The following FARS2 variants were observed in gnomAD, a reference collection of about 807,000 sequenced individuals.
FARS2 encodes phenylalanyl-tRNA synthetase 2, mitochondrial.
FARS2 carries 40 observed loss-of-function variants against 46.4 expected under a neutral mutation model. That is an observed-to-expected ratio of 0.86 (90% CI 0.67 to 1.12). The LOEUF (loss-of-function observed/expected upper bound fraction) is 1.12, where lower values mean the gene tolerates loss of function less well. FARS2 is among the 50% of genes most tolerant of loss of function. FARS2 has a pLI of 0.00. For synonymous variants in FARS2, 234 were observed against 214.9 expected (o/e 1.09, Z -0.78); for missense variants, 513 against 567.9 (o/e 0.90, Z 0.98).
At chr6:5,442,773 G>T (rs1763914817) in intron 4 of FARS2, among the ~76,000 whole-genome samples, 1 of 152,102 alleles carries the variant, frequency 6.6e-6, no homozygotes, top group South Asian at 2.1e-4. Context: ...AGCTTGCCTG[G>T]GAGCCCCAGT....
intron 6 of FARS2, among the ~76,000 whole-genome samples, chr6:5,702,733 A>G (rs933665330): frequency 2.6e-5 from 4 of 152,352 alleles, no homozygotes; most frequent in Non-Finnish European, 5.9e-5. Flanking sequence ...TACTCATCCA[A>G]GGATTCTGGT....
chr6:5,426,529 G>A (rs766991479), intron 3 of FARS2, among the ~76,000 whole-genome samples: 16 of 152,120 alleles, frequency 1.1e-4, no homozygotes, highest in Non-Finnish European at 2.2e-4. Flanking sequence ...AAAACAAGAA[G>A]AAAGTGTATT....
chr6:5,668,780 G>A (rs751012649), intron 6 of FARS2, among the ~76,000 whole-genome samples: 1 of 136,550 alleles, frequency 7.3e-6, no homozygotes, highest in East Asian at 2.4e-4. Context: ...TGCAACCTTC[G>A]CCTTCTGTGT....
chr6:5,688,663 T>C (rs1757443054), intron 6 of FARS2, among the ~76,000 whole-genome samples: 1 of 152,184 alleles, frequency 6.6e-6, no homozygotes, highest in South Asian at 2.1e-4. Flanking sequence ...TAAAATTCTC[T>C]TTTTTTGTTG....
At chr6:5,561,512 AG>A (rs1214483215) in intron 5 of FARS2, among the ~76,000 whole-genome samples, 2 of 152,132 alleles carry the variant, frequency 1.3e-5, no homozygotes, top group Non-Finnish European at 2.9e-5. Flanking sequence ...CTTCTGGAAA[AG>A]TCTAATATTA....
intron 5 of FARS2, among the ~76,000 whole-genome samples, chr6:5,589,217 C>A (rs925603735): frequency 7.2e-5 from 11 of 152,146 alleles, no homozygotes; most frequent in Admixed American, 6.5e-4. Flanking sequence ...AACCCCAGTT[C>A]GGCTGCTTCC....
At chr6:5,709,408 G>A (rs1758963268) in intron 6 of FARS2, among the ~76,000 whole-genome samples, 1 of 152,262 alleles carries the variant, frequency 6.6e-6, no homozygotes, top group Admixed American at 6.5e-5. Context: ...ATGGCTTTGT[G>A]GTTCTTACTG....
intron 6 of FARS2, among the ~76,000 whole-genome samples, chr6:5,697,647 A>C (rs1249095842): frequency 6.6e-6 from 1 of 152,262 alleles, no homozygotes; most frequent in African/African-American, 2.4e-5. Flanking sequence ...AACAAAGGCA[A>C]AATCATGAGA....
At chr6:5,693,959 A>G (rs1387850149) in intron 6 of FARS2, among the ~76,000 whole-genome samples, 2 of 152,182 alleles carry the variant, frequency 1.3e-5, no homozygotes, top group East Asian at 1.9e-4. Context: ...ACCGCCCTCT[A>G]CTAGCGGGAG....
intron 2 of FARS2, among the ~76,000 whole-genome samples, chr6:5,380,469 G>T (rs1287496093): frequency 6.6e-6 from 1 of 152,310 alleles, no homozygotes; most frequent in East Asian, 1.9e-4. Context: ...GCTAGGAACT[G>T]CATTTCTCTG....
intron 2 of FARS2, among the ~76,000 whole-genome samples, chr6:5,390,014 G>A (rs570785966): frequency 5.3e-4 from 81 of 152,100 alleles, no homozygotes; most frequent in African/African-American, 1.9e-3. Context: ...ACAGGCACGC[G>A]CCACCACGCC....
chr6:5,368,977 C>A lies in FARS2; in HGVS notation c.407C>A (p.Pro136His), dbSNP rs199863563. The A allele has an allele frequency of 1.8e-4, 292 of 1,614,018 alleles. 1 individual carries two copies. The highest frequency in any genetic ancestry group is 1.2e-4 in the Admixed American group (7 of 59,998). ...FDSLLIPADH[P>H]SRKKGDNYYL... is the part of the protein sequence containing the mutation. Reference sequence around the variant, plus strand: ...AGCCTGCTCATCCCAGCTGATCACCCCAGCAGGAAGAAGGGGGACAACTAT... The same window carrying A: ...AGCCTGCTCATCCCAGCTGATCACCACAGCAGGAAGAAGGGGGACAACTAT... Residue 136 changes from proline (P) to histidine (H), a missense_variant, in exon 2 of 7, where the codon CCC becomes CAC. By Grantham distance (77) the Pro-to-His change is moderately conservative. Coordinates refer to ENST00000274680, the MANE Select transcript of FARS2 (RefSeq NM_006567.5).
At chr6:5,502,820 A>G (rs1275189351) in intron 4 of FARS2, among the ~76,000 whole-genome samples, 1 of 152,196 alleles carries the variant, frequency 6.6e-6, no homozygotes, top group Non-Finnish European at 1.5e-5. Context: ...AGCTTTACAA[A>G]CAGTTAAGTG....
At chr6:5,422,339 A>G (rs1762597639) in intron 3 of FARS2, among the ~76,000 whole-genome samples, 1 of 151,508 alleles carries the variant, frequency 6.6e-6, no homozygotes. Flanking sequence ...TTATCTTTCA[A>G]CTTAGACTAT....
intron 4 of FARS2, among the ~76,000 whole-genome samples, chr6:5,443,416 T>C (rs1381089966): frequency 6.6e-6 from 1 of 152,262 alleles, no homozygotes; most frequent in Admixed American, 6.5e-5. Context: ...CACTGTCTGC[T>C]ATGAGAAGAA....
At chr6:5,590,138 TA>T (rs1367257699) in intron 5 of FARS2, among the ~76,000 whole-genome samples, 1 of 152,228 alleles carries the variant, frequency 6.6e-6, no homozygotes, top group Non-Finnish European at 1.5e-5. Flanking sequence ...TAATGTTAGA[TA>T]ATGTATTTAA....
chr6:5,369,790 C>A (rs1387034145), intron 2 of FARS2, among the ~76,000 whole-genome samples: 1 of 151,896 alleles, frequency 6.6e-6, no homozygotes, highest in Non-Finnish European at 1.5e-5. Flanking sequence ...GAGCCTTTTC[C>A]CAACTCCTTG....
rs140798504 is a variant in FARS2 at position 5,423,237 on chromosome 6, G to T, written c.773-7804G>T. On this transcript the variant is annotated intron_variant, in intron 3 of 6. Transcript: ENST00000274680. ...GTGCTGTGGCTCTGCCTGAGGCCGG[G>T]ATGCTATTGGACTGTCCCCTCTGCT... Among the ~76,000 whole-genome samples the T allele has an allele frequency of 2.3e-3, 346 of 152,134 alleles. 2 individuals carry two copies. Among genetic ancestry groups the T allele is most frequent in the African/African-American group, 7.9e-3 (326 of 41,500 alleles).
At chr6:5,429,460 C>A (rs991090238) in intron 3 of FARS2, among the ~76,000 whole-genome samples, 2 of 152,160 alleles carry the variant, frequency 1.3e-5, no homozygotes, top group South Asian at 4.1e-4. Flanking sequence ...TAATGTTTGA[C>A]TCTCAAAATA....
Sources: allele counts gnomAD v4.1 joint callset (sites outside exome capture counted in the v4.1 genomes callset), GRCh38; gene constraint gnomAD v4.1.1; transcripts MANE v1.5; gene names NCBI Gene and HGNC (gene_info 2026-07-23, HGNC 2026-07-21).